The following CMIP variants were observed in gnomAD, a reference collection of about 807,000 sequenced individuals.
CMIP encodes the protein c-Maf inducing protein, also known as C-Maf-inducing protein.
Under a neutral mutation model 97.3 loss-of-function variants are expected in CMIP, and 13 were observed. The ratio of observed to expected loss-of-function variants is 0.13; its 90% CI spans 0.09 to 0.21. The LOEUF is 0.21. Ranked by LOEUF, CMIP falls within the 10% of genes least tolerant of loss-of-function variation. The probability of loss-of-function intolerance (pLI) is 1.00; values close to 1 mark genes in which losing one functional copy is unlikely to be tolerated. For missense variants in CMIP, 847 were observed against 1,024.9 expected (o/e 0.83, Z 2.37); for synonymous variants, 538 against 436.3 (o/e 1.23, Z -2.91).
At chr16:81,615,282 TG>T (rs2091897401) in intron 2 of CMIP, among the ~76,000 whole-genome samples, 1 of 96,020 alleles carries the variant, frequency 1.0e-5, no homozygotes, top group South Asian at 4.1e-4. Context: ...TATGTGGCTG[TG>T]TGGTGTGTGT....
intron 1 of CMIP, among the ~76,000 whole-genome samples, chr16:81,457,869 C>T (rs1207639859): frequency 6.6e-6 from 1 of 152,200 alleles, no homozygotes; most frequent in African/African-American, 2.4e-5. Flanking sequence ...GGCCACGGCA[C>T]CCCAGGCCCC....
chr16:81,626,194 A>C (rs1393338895), intron 3 of CMIP, among the ~76,000 whole-genome samples: 1 of 148,112 alleles, frequency 6.8e-6, no homozygotes, highest in Non-Finnish European at 1.5e-5. Context: ...GGGGTGTGTG[A>C]GTGTGAGAGT....
At chr16:81,667,799 A>AGAGAGAGAGAGAGTGTGTGTGTGTGT in intron 7 of CMIP, among the ~76,000 whole-genome samples, 2 of 58,134 alleles carry the variant, frequency 3.4e-5, no homozygotes, top group Non-Finnish European at 6.4e-5. Flanking sequence ...AGAGAGAGAG[A>AGAGAGAGAGAGAGTGTGTGTGTGTGT]GTGTGTGTGT....
At chr16:81,566,992 G>A in intron 1 of CMIP, among the ~76,000 whole-genome samples, 1 of 152,244 alleles carries the variant, frequency 6.6e-6, no homozygotes, top group Non-Finnish European at 1.5e-5. Context: ...GCCAAGAAGG[G>A]ACATGAGAGA....
At chr16:81,648,438 G>A (rs2092390194) in intron 3 of CMIP, among the ~76,000 whole-genome samples, 1 of 152,086 alleles carries the variant, frequency 6.6e-6, no homozygotes, top group Non-Finnish European at 1.5e-5. Flanking sequence ...CAGAGCGCAT[G>A]CTTTTTTCTG....
intron 1 of CMIP, among the ~76,000 whole-genome samples, chr16:81,590,089 G>C (rs2091444225): frequency 6.6e-6 from 1 of 152,138 alleles, no homozygotes; most frequent in Admixed American, 6.5e-5. Context: ...CCTCAGGATA[G>C]ACCAGCAGGA....
chr16:81,570,361 C>T (rs1306032127), intron 1 of CMIP, among the ~76,000 whole-genome samples: 4 of 152,100 alleles, frequency 2.6e-5, no homozygotes, highest in African/African-American at 9.7e-5. Flanking sequence ...GTCGTGGGGC[C>T]AGTGCTGTGC....
At chr16:81,566,451 G>T (rs746810991) in intron 1 of CMIP, among the ~76,000 whole-genome samples, 2 of 152,184 alleles carry the variant, frequency 1.3e-5, no homozygotes, top group African/African-American at 4.8e-5. Flanking sequence ...GCTACACTGG[G>T]TGAGGAGGTC....
At chr16:81,678,208 C>G in intron 9 of CMIP, 67 bp from the exon 10 acceptor site, 1 of 1,255,280 alleles carries the variant, frequency 8.0e-7, no homozygotes, top group Non-Finnish European at 1.1e-6. Flanking sequence ...GGCCTTTAGT[C>G]TGATGGGTCA....
chr16:81,537,247 C>T (rs2090360190), intron 1 of CMIP, among the ~76,000 whole-genome samples: 1 of 152,058 alleles, frequency 6.6e-6, no homozygotes, highest in African/African-American at 2.4e-5. Flanking sequence ...AGAAACGCCC[C>T]ATATAGGCTG....
chr16:81,613,331 A>T (rs1567610556), intron 2 of CMIP, among the ~76,000 whole-genome samples: 1 of 151,920 alleles, frequency 6.6e-6, no homozygotes, highest in East Asian at 1.9e-4. Context: ...AGGAGCTCAG[A>T]TGCATTGCTT....
intron 4 of CMIP, 58 bp from the exon 5 acceptor site, chr16:81,657,717 G>T: frequency 7.1e-7 from 1 of 1,400,974 alleles, no homozygotes; most frequent in Admixed American, 2.3e-5. Context: ...CCAAATGCTC[G>T]TTTTCTTAAT....
intron 1 of CMIP, among the ~76,000 whole-genome samples, chr16:81,571,587 CAAAAAA>C (rs397854647): frequency 5.7e-5 from 5 of 87,486 alleles, no homozygotes; most frequent in Non-Finnish European, 8.9e-5. Context: ...TCATCTCTAC[CAAAAAA>C]AAAAAAAAAA....
chr16:81,661,417 A>G (rs1020577904), intron 6 of CMIP, among the ~76,000 whole-genome samples: 5 of 152,268 alleles, frequency 3.3e-5, no homozygotes, highest in Non-Finnish European at 2.9e-5. Context: ...TGGGATTCAC[A>G]TAGGACATGT....
intron 1 of CMIP, among the ~76,000 whole-genome samples, chr16:81,469,873 G>T (rs937803735): frequency 6.6e-6 from 1 of 152,216 alleles, no homozygotes; most frequent in Non-Finnish European, 1.5e-5. Context: ...TGTCTTGGAG[G>T]ATGGGATGGG....
intron 1 of CMIP, among the ~76,000 whole-genome samples, chr16:81,451,206 C>T (rs1261279959): frequency 6.6e-6 from 1 of 152,194 alleles, no homozygotes; most frequent in Non-Finnish European, 1.5e-5. Flanking sequence ...ATAATTGACT[C>T]ATGGGGCGCT....
At chr16:81,617,177 C>A (rs1012515465) in intron 2 of CMIP, 1 of 152,222 alleles carries the variant, frequency 6.6e-6, no homozygotes, top group African/African-American at 2.4e-5. Context: ...GAAGAAGGGG[C>A]CAAGAGCCAG....
chr16:81,667,799 A>AGAGAGAGAGAGAGAGAGAGAGTGTGT, intron 7 of CMIP, among the ~76,000 whole-genome samples: 11 of 58,128 alleles, frequency 1.9e-4, no homozygotes, highest in Non-Finnish European at 3.2e-4. Flanking sequence ...AGAGAGAGAG[A>AGAGAGAGAGAGAGAGAGAGAGTGTGT]GTGTGTGTGT....
intron 1 of CMIP, among the ~76,000 whole-genome samples, chr16:81,504,641 C>CA (rs149715666): frequency 0.14 from 9,904 of 71,890 alleles, 1,623 homozygotes; most frequent in African/African-American, 0.38. Flanking sequence ...AGACTCGTCT[C>CA]AAAAAAAAAA....
Sources: gnomAD v4.1 joint callset for allele counts (sites outside exome capture counted in the v4.1 genomes callset) on GRCh38, gnomAD v4.1.1 for gene constraint, MANE v1.5 for transcripts, NCBI Gene and HGNC (gene_info 2026-07-23, HGNC 2026-07-21) for gene names.